Variants in DNAJC10 observed in about 807,000 individuals in gnomAD.
DNAJC10 encodes DnaJ heat shock protein family (Hsp40) member C10, also known as endoplasmic reticulum disulfide reductase DNAJC10.
In DNAJC10, 101 loss-of-function variants were observed where a neutral mutation model predicts 115.0. The ratio of observed to expected loss-of-function variants is 0.88; its 90% CI spans 0.75 to 1.04. The LOEUF is 1.04. Ranked by LOEUF, DNAJC10 falls within the 50% of genes least tolerant of loss-of-function variation. DNAJC10 has a pLI of 0.00. For missense variants in DNAJC10, 981 were observed against 928.8 expected, an observed-to-expected ratio of 1.06 and a Z score of -0.73; for synonymous variants, 307 against 301.5, an observed-to-expected ratio of 1.02 and a Z score of -0.19.
At chr2:182,744,673 G>A (rs1197569885) in intron 14 of DNAJC10, among the ~76,000 whole-genome samples, 1 of 151,982 alleles carries the variant, frequency 6.6e-6, no homozygotes, top group African/African-American at 2.4e-5. Context: ...CCTTGCATAC[G>A]TGATTCATTT....
Position 182,780,956 on chromosome 2 carries a change from A to C in DNAJC10, c.*3824A>C, listed in dbSNP as rs1694830702. On this transcript the variant is annotated 3_prime_UTR_variant, in exon 24 of 24. Coordinates refer to ENST00000264065, the MANE Select transcript of DNAJC10 (RefSeq NM_018981.4). ...TGTTAATAACTGATAGACAATCTTC[A>C]TTAAGCAACTGCTGTTTTTTTTTTT... 1 of 132,444 alleles carries C rather than the reference A, an allele frequency of 7.6e-6. No individual in the cohort carries two copies. The highest frequency in any genetic ancestry group is 3.1e-5 in the African/African-American group (1 of 32,578). The allele number at this position is 132,444 out of a possible 1,614,324, so 8.2% of individuals were successfully genotyped here.
intron 11 of DNAJC10, among the ~76,000 whole-genome samples, chr2:182,736,698 T>C (rs2105636764): frequency 6.6e-6 from 1 of 152,274 alleles, no homozygotes; most frequent in East Asian, 1.9e-4. Context: ...CATTCCTGGG[T>C]TATACGAAAG....
rs980730275 is a variant in DNAJC10, at chr2:182,786,612, A to C, written c.*9480A>C. The C allele has an allele frequency of 6.6e-6, 1 of 152,218 alleles. No homozygotes were observed. Among genetic ancestry groups the C allele is most frequent in the Non-Finnish European group, 1.5e-5 (1 of 68,074 alleles). 9.4% of individuals were successfully genotyped at this position (152,218 alleles called of 1,614,324 possible). On this transcript the variant is annotated 3_prime_UTR_variant, in exon 24 of 24. Transcript: ENST00000264065. The stretch of plus-strand genomic sequence containing the variant: ...GAATAGACCTAGGTGACCAACCAGC[A>C]GCACCTAGCTTTTGCCAGCTACGCA...
intron 11 of DNAJC10, among the ~76,000 whole-genome samples, chr2:182,738,428 A>G (rs1209746094): frequency 3.3e-5 from 5 of 152,190 alleles, no homozygotes; most frequent in African/African-American, 7.2e-5. Flanking sequence ...ATAGAAAATT[A>G]CAAGGTCAAA....
chr2:182,724,295 C>T (rs1342443043), intron 5 of DNAJC10, among the ~76,000 whole-genome samples: 1 of 151,892 alleles, frequency 6.6e-6, no homozygotes, highest in Non-Finnish European at 1.5e-5. Context: ...TGATATCTAG[C>T]CAATAGTGCA....
chr2:182,731,226 G>T, intron 9 of DNAJC10, 119 bp downstream of exon 9: 6 of 622,344 alleles, frequency 9.6e-6, no homozygotes, highest in Admixed American at 3.4e-5. Flanking sequence ...TTATGCCCAG[G>T]ATTACAATTT....
chr2:182,729,998 GT>G (rs1343769835), intron 8 of DNAJC10, 57 bp downstream of exon 8: 1 of 1,153,132 alleles, frequency 8.7e-7, no homozygotes, highest in African/African-American at 1.6e-5. Context: ...TCAGTATTTT[GT>G]TTTTAATGGC....
At chr2:182,719,211 C>A (rs1264825606) in intron 3 of DNAJC10, among the ~76,000 whole-genome samples, 1 of 145,490 alleles carries the variant, frequency 6.9e-6, no homozygotes, top group East Asian at 2.0e-4. Context: ...AGCACAGTAA[C>A]AAGGAAGAAA....
chr2:182,741,770 T>A (rs1693743332), intron 13 of DNAJC10, among the ~76,000 whole-genome samples: 1 of 152,200 alleles, frequency 6.6e-6, no homozygotes, highest in Non-Finnish European at 1.5e-5. Context: ...GCTATGTATT[T>A]ACTCTATATA....
chr2:182,767,651 C>G (rs1386658724), intron 22 of DNAJC10, among the ~76,000 whole-genome samples: 1 of 151,984 alleles, frequency 6.6e-6, no homozygotes, highest in Non-Finnish European at 1.5e-5. Context: ...CAGACAATTA[C>G]AGCTGAGCAG....
At chr2:182,762,935 G>A (rs1694322199) in intron 22 of DNAJC10, 134 bp downstream of exon 22, 1 of 1,056,136 alleles carries the variant, frequency 9.5e-7, no homozygotes, top group African/African-American at 1.6e-5. Context: ...ACTGATACAA[G>A]TTTTTAAAAT....
rs765665416 is a variant in DNAJC10 at position 182,743,710 on chromosome 2, A to G, written c.1304A>G (p.His435Arg). The change falls in exon 14 of 24, where the codon CAT (histidine) becomes CGT (arginine). Residue 435 changes from histidine (H) to arginine (R), a missense_variant and splice_region_variant. Transcript: ENST00000264065. ...GQGTKEYEIH[H>R]GKKILYDILA... Reference sequence around the variant, plus strand: ...GGAACCAAAGAATATGAAATTCATCATGGTAAGAATGGAAAAAAATGATAA... The same window carrying G: ...GGAACCAAAGAATATGAAATTCATCGTGGTAAGAATGGAAAAAAATGATAA... 6 of 1,560,874 alleles carry G rather than the reference A, an allele frequency of 3.8e-6. No homozygotes were observed. The highest frequency in any genetic ancestry group is 1.2e-5 in the South Asian group (1 of 85,458).
chr2:182,718,257 A>G lies in DNAJC10; in HGVS notation c.171A>G (p.Lys57=). 1.2e-6 allele frequency: 2 copies of G among 1,611,448 alleles called. No homozygotes were observed. Among genetic ancestry groups the G allele is most frequent in the Non-Finnish European group, 1.7e-6 (2 of 1,179,268 alleles). Residue 57 remains lysine (K), a synonymous_variant, in exon 3 of 24, where the codon AAA becomes AAG. Coordinates refer to ENST00000264065, the MANE Select transcript of DNAJC10 (RefSeq NM_018981.4). ...GAGAAATAAGACAAGCTTTCAAGAA[A>G]TTGGCATTGAAGTTACATCCTGATA... is the stretch of plus-strand genomic sequence containing the variant. ...SSREIRQAFK[K]LALKLHPDKN...
chr2:182,773,853 C>T (rs563783590), intron 22 of DNAJC10, among the ~76,000 whole-genome samples: 36 of 152,346 alleles, frequency 2.4e-4, no homozygotes, highest in Middle Eastern at 3.4e-3. Context: ...AGTCATTCTC[C>T]GTCCAGCTTT....
At chr2:182,762,139 A>G (rs435875) in intron 21 of DNAJC10, among the ~76,000 whole-genome samples, 1 of 136,682 alleles carries the variant, frequency 7.3e-6, no homozygotes, top group East Asian at 2.1e-4. Context: ...GAAGCAGTGA[A>G]ACAGTAGACT....
At chr2:182,719,968 A>G in intron 3 of DNAJC10, 39 bp from the exon 4 acceptor site, 3 of 1,210,680 alleles carry the variant, frequency 2.5e-6, no homozygotes, top group Non-Finnish European at 3.5e-6. Flanking sequence ...TGGATTGTGT[A>G]TCTGAAATAA....
At chr2:182,728,181 C>G (rs1693339516) in intron 5 of DNAJC10, among the ~76,000 whole-genome samples, 1 of 152,080 alleles carries the variant, frequency 6.6e-6, no homozygotes, top group Admixed American at 6.6e-5. Flanking sequence ...CTCAGTCACT[C>G]TTACTATTTG....
chr2:182,720,212 G>A (rs775499650), intron 4 of DNAJC10, 43 bp downstream of exon 4: 1 of 1,509,070 alleles, frequency 6.6e-7, no homozygotes, highest in Non-Finnish European at 9.0e-7. Context: ...TTTTATCTGA[G>A]TAAAAGAAAA....
intron 14 of DNAJC10, among the ~76,000 whole-genome samples, chr2:182,750,780 G>A (rs1693995845): frequency 6.6e-6 from 1 of 152,182 alleles, no homozygotes; most frequent in Admixed American, 6.5e-5. Context: ...AAGGGGTAAT[G>A]TGTTGCACTA....
Sources: allele counts gnomAD v4.1 joint callset (sites outside exome capture counted in the v4.1 genomes callset), GRCh38; gene constraint gnomAD v4.1.1; transcripts MANE v1.5; gene names NCBI Gene and HGNC (gene_info 2026-07-23, HGNC 2026-07-21).